Variants in IGBP1 observed in about 807,000 individuals in gnomAD.
IGBP1 encodes immunoglobulin-binding protein 1.
In IGBP1, 2 loss-of-function variants were observed where a neutral mutation model predicts 25.9. The observed-to-expected ratio is 0.08, with a 90% CI of 0.03 to 0.24. The LOEUF (loss-of-function observed/expected upper bound fraction) is 0.24, where lower values mean the gene tolerates loss of function less well. IGBP1 is among the 10% of genes least tolerant of loss of function. The probability of loss-of-function intolerance (pLI) is 1.00; values close to 1 mark genes in which losing one functional copy is unlikely to be tolerated. For synonymous variants in IGBP1, 96 were observed against 93.4 expected, an observed-to-expected ratio of 1.03 and a Z score of -0.16; for missense variants, 187 against 260.4, an observed-to-expected ratio of 0.72 and a Z score of 1.94.
rs752550128 is a variant in IGBP1, at chrX:70,137,751, CAAAAAAAAAAA to C, written c.482+2946_482+2956del. Among the ~76,000 whole-genome samples the C allele has an allele frequency of 6.4e-4, 14 of 21,724 alleles. No individual in the cohort carries two copies. In the South Asian group the frequency reaches 8.3e-3, roughly 13 times the overall value. 18.9% of individuals were successfully genotyped at this position (21,724 alleles called of 115,157 possible). ...TGAGTTTGGTATCCAAATAATTATA[CAAAAAAAAAAA>C]AAAAAAAAAACTGCAAGAGAAAGAT... On this transcript the variant is annotated intron_variant, in intron 3 of 6. Coordinates refer to ENST00000356413, the MANE Select transcript of IGBP1 (RefSeq NM_001551.3).
chrX:70,134,881 G>A, intron 3 of IGBP1, 65 bp downstream of exon 3: 1 of 1,051,494 alleles, frequency 9.5e-7, no homozygotes, highest in Non-Finnish European at 1.3e-6. Context: ...ATGCTTTCTT[G>A]GCGGGTGGTG....
At chrX:70,161,512 A>C (rs1429477901) in intron 6 of IGBP1, among the ~76,000 whole-genome samples, 3 of 111,530 alleles carry the variant, frequency 2.7e-5, no homozygotes, top group Non-Finnish European at 5.6e-5. Context: ...TAGTCAACGT[A>C]TGATGGGGTT....
At chrX:70,165,735 T>C (rs2085294229) in intron 6 of IGBP1, 98 bp from the exon 7 acceptor site, 1 of 776,746 alleles carries the variant, frequency 1.3e-6, no homozygotes. Context: ...CCTGTTCTCA[T>C]TGCATGTGGT....
In IGBP1 at chrX:70,141,907, G is replaced by A. The variant is rs187853752; in HGVS notation, c.483-4726G>A. On this transcript the variant is annotated intron_variant, in intron 3 of 6. Transcript: ENST00000356413. ...TAGACATTCTTATCCCCATTTTAGA[G>A]ATTAAAAAAAAGGGGGGGGGCTCTG... 4.6e-5 allele frequency among the ~76,000 whole-genome samples: 5 copies of A among 108,432 alleles called. No individual in the cohort carries two copies. The East Asian group carries it at 1.5e-3, about 32-fold the overall frequency. 94.2% of individuals were successfully genotyped at this position (108,432 alleles called of 115,157 possible).
intron 3 of IGBP1, among the ~76,000 whole-genome samples, chrX:70,143,477 A>G (rs1369245482): frequency 8.9e-6 from 1 of 112,466 alleles, no homozygotes; most frequent in Non-Finnish European, 1.9e-5. Context: ...AAGTTTGACA[A>G]TAGTGATTTG....
At chrX:70,165,794 C>T (rs767850978) in intron 6 of IGBP1, 39 bp from the exon 7 acceptor site, 3 of 1,165,952 alleles carry the variant, frequency 2.6e-6, no homozygotes, top group African/African-American at 1.8e-5. Flanking sequence ...TTAACATTCC[C>T]TCAATTTCTC....
intron 1 of IGBP1, 33 bp from the exon 2 acceptor site, chrX:70,133,690 C>G (rs950921754): frequency 2.3e-5 from 10 of 434,420 alleles, no homozygotes; most frequent in Non-Finnish European, 4.0e-5. Flanking sequence ...AAAACAGCGC[C>G]TAGGGTTTTG....
chrX:70,143,852 TAAAA>T (rs1227203539), intron 3 of IGBP1, among the ~76,000 whole-genome samples: 1 of 112,450 alleles, frequency 8.9e-6, no homozygotes, highest in Non-Finnish European at 1.9e-5. Flanking sequence ...AAAACAGTTT[TAAAA>T]ACACTGGCCC....
intron 4 of IGBP1, 69 bp downstream of exon 4, chrX:70,146,897 T>G: frequency 5.0e-6 from 4 of 804,086 alleles, no homozygotes; most frequent in Non-Finnish European, 7.5e-6. Flanking sequence ...TTAAGATCCT[T>G]TTAAGTCTCC....
intron 6 of IGBP1, among the ~76,000 whole-genome samples, chrX:70,154,942 T>G (rs2085230394): frequency 9.2e-6 from 1 of 108,398 alleles, no homozygotes; most frequent in African/African-American, 3.4e-5. Context: ...CCAAAAACCT[T>G]AACAGATAAC....
chrX:70,140,571 C>G (rs924104105), intron 3 of IGBP1, among the ~76,000 whole-genome samples: 22 of 112,341 alleles, frequency 2.0e-4, no homozygotes, highest in African/African-American at 7.1e-4. Flanking sequence ...GGTTAGAAAA[C>G]AAATTACTCA....
intron 3 of IGBP1, among the ~76,000 whole-genome samples, chrX:70,145,859 T>C (rs2085163001): frequency 8.9e-6 from 1 of 112,643 alleles, no homozygotes; most frequent in Non-Finnish European, 1.9e-5. Flanking sequence ...ATAGCACCGC[T>C]ACTTTTCCAC....
chrX:70,137,356 T>TTAAGGTGCCTAGGA (rs1340737292), intron 3 of IGBP1, among the ~76,000 whole-genome samples: 1 of 110,798 alleles, frequency 9.0e-6, no homozygotes, highest in African/African-American at 3.3e-5. Context: ...CATGTTGAGG[T>TTAAGGTGCCTAGGA]TAAGGTGCCT....
intron 3 of IGBP1, among the ~76,000 whole-genome samples, chrX:70,141,293 G>A (rs2085128332): frequency 9.1e-6 from 1 of 109,725 alleles, no homozygotes; most frequent in Non-Finnish European, 1.9e-5. Context: ...GTTGCCATGA[G>A]CCAAGATTGC....
At position 70,133,872 on chromosome X, in the gene IGBP1, C is replaced by A; in HGVS notation, c.-76C>A. Reference sequence around the variant, plus strand: ...GAGGTGCTTCTTCCGGTTTTGTCCGCGCTCGCCTAATTCTTCTTTATCAAG... The same window carrying A: ...GAGGTGCTTCTTCCGGTTTTGTCCGAGCTCGCCTAATTCTTCTTTATCAAG... On this transcript the variant is annotated 5_prime_UTR_variant, in exon 2 of 7. Coordinates refer to ENST00000356413, the MANE Select transcript of IGBP1 (RefSeq NM_001551.3). The A allele has an allele frequency of 1.0e-6, 1 of 962,265 alleles. No individual in the cohort carries two copies. Among genetic ancestry groups the A allele is most frequent in the Non-Finnish European group, 1.5e-6 (1 of 685,455 alleles). 79.3% of individuals were successfully genotyped at this position (962,265 alleles called of 1,213,427 possible). A position where few individuals can be genotyped will look rare whatever the true frequency, so the allele number is the denominator to read the frequency against.
intron 6 of IGBP1, among the ~76,000 whole-genome samples, chrX:70,152,410 G>C (rs764753208): frequency 9.0e-6 from 1 of 111,439 alleles, no homozygotes; most frequent in South Asian, 3.8e-4. Flanking sequence ...ACAGAATTCG[G>C]AATCTCTACA....
At chrX:70,158,558 T>G (rs955501356) in intron 6 of IGBP1, among the ~76,000 whole-genome samples, 7 of 111,390 alleles carry the variant, frequency 6.3e-5, no homozygotes, top group African/African-American at 2.3e-4. Flanking sequence ...ACTCTGAATA[T>G]AAAACACTGA....
chrX:70,156,973 T>G (rs1425327609), intron 6 of IGBP1, among the ~76,000 whole-genome samples: 1 of 111,936 alleles, frequency 8.9e-6, no homozygotes, highest in Non-Finnish European at 1.9e-5. Context: ...GAGTAGATGT[T>G]AAGTGTTCTT....
At position 70,165,859 on chromosome X, in the gene IGBP1, CAGGAAGAACAAGAAGAAA is replaced by C. The variant is rs776516606; in HGVS notation, c.903_920del (p.Gln303_Glu308del). ...GGAATTCAGAAAAGCAGCTCAGCAA[CAGGAAGAACAAGAAGAAA>C]AGGAGGAAGAGGATGATGAACAAAC... On this transcript the variant is annotated inframe_deletion, in exon 7 of 7. Transcript: ENST00000356413. 5.0e-6 allele frequency: 6 copies of C among 1,207,928 alleles called. No homozygotes were observed. Among genetic ancestry groups the C allele is most frequent in the Non-Finnish European group, 6.7e-6 (6 of 893,291 alleles).
Sources: allele counts gnomAD v4.1 joint callset (sites outside exome capture counted in the v4.1 genomes callset), GRCh38; gene constraint gnomAD v4.1.1; transcripts MANE v1.5; gene names NCBI Gene and HGNC (gene_info 2026-07-23, HGNC 2026-07-21).